The following BTN3A2 variants were observed in gnomAD, a reference collection of about 807,000 sequenced individuals.
The protein encoded by BTN3A2 is butyrophilin protein.
Under a neutral mutation model 37.6 loss-of-function variants are expected in BTN3A2, and 25 were observed. That is an observed-to-expected ratio of 0.66 (90% confidence interval 0.48 to 0.93). BTN3A2 has a LOEUF of 0.93. Among genes scored for constraint, BTN3A2 ranks in the 40% least tolerant of loss-of-function variants. The pLI is 0.00. For missense variants in BTN3A2, 266 were observed against 410.9 expected (o/e 0.65, Z 3.05); for synonymous variants, 122 against 159.4 (o/e 0.77, Z 1.77).
chr6:26,377,059 T>A lies in BTN3A2; in HGVS notation c.*1297T>A. Reference sequence around the variant, plus strand: ...CCTCTGTATCCTGTATTCAGAATTTTGACCTTGGAGCCCACTGCCCTGACC... The same window carrying A: ...CCTCTGTATCCTGTATTCAGAATTTAGACCTTGGAGCCCACTGCCCTGACC... On this transcript the variant is annotated 3_prime_UTR_variant, in exon 11 of 11. Transcript: ENST00000377708. The A allele has an allele frequency of 7.2e-7, 1 of 1,390,576 alleles. No individual in the cohort carries two copies. Among genetic ancestry groups the A allele is most frequent in the Non-Finnish European group, 1.0e-6 (1 of 980,042 alleles). 86.1% of individuals were successfully genotyped at this position (1,390,576 alleles called of 1,614,324 possible).
intron 1 of BTN3A2, among the ~76,000 whole-genome samples, chr6:26,367,453 C>T (rs1323646685): frequency 6.6e-6 from 1 of 152,160 alleles, no homozygotes; most frequent in African/African-American, 2.4e-5. Flanking sequence ...ATGGTTTTGT[C>T]CCATGACTGA....
At chr6:26,372,620 T>C in intron 5 of BTN3A2, 1 of 406,636 alleles carries the variant, frequency 2.5e-6, no homozygotes, top group Non-Finnish European at 4.5e-6. Context: ...TGTTACCTAT[T>C]GAAAAAATAT....
At chr6:26,373,198 T>G in intron 6 of BTN3A2, 78 bp from the exon 7 acceptor site, 1 of 1,602,358 alleles carries the variant, frequency 6.2e-7, no homozygotes, top group Non-Finnish European at 8.5e-7. Flanking sequence ...TGTTTAAGGT[T>G]TATTTCCCGA....
rs1354445051 is a variant in BTN3A2, at chr6:26,377,167, G to A, written c.*1405G>A. On this transcript the variant is annotated 3_prime_UTR_variant, in exon 11 of 11. Coordinates refer to ENST00000377708, the MANE Select transcript of BTN3A2 (RefSeq NM_007047.5). The stretch of plus-strand genomic sequence containing the variant: ...TCCCTGGAGATACCACTGACCCCAG[G>A]CTTAGCTAATGAAAGTGGGGAGCCT... The A allele has an allele frequency of 7.9e-7, 1 of 1,267,816 alleles. No individual in the cohort carries two copies. Among genetic ancestry groups the A allele is most frequent in the Non-Finnish European group, 1.2e-6 (1 of 865,880 alleles). 78.5% of individuals were successfully genotyped at this position (1,267,816 alleles called of 1,614,324 possible). A position where few individuals can be genotyped will look rare whatever the true frequency, so the allele number is the denominator to read the frequency against.
intron 4 of BTN3A2, 53 bp from the exon 5 acceptor site, chr6:26,370,269 C>A: frequency 6.4e-7 from 1 of 1,571,518 alleles, no homozygotes; most frequent in Non-Finnish European, 8.7e-7. Context: ...CCCATTGAGA[C>A]CCTCCCTAAT....
chr6:26,366,710 A>AGACCTCT (rs1762096905), intron 1 of BTN3A2, among the ~76,000 whole-genome samples: 1 of 152,218 alleles, frequency 6.6e-6, no homozygotes, highest in South Asian at 2.1e-4. Flanking sequence ...CCAGCTGCAC[A>AGACCTCT]GACCTCTGTT....
chr6:26,375,796 G>T lies in BTN3A2; in HGVS notation c.*35-1G>T. The T allele has an allele frequency of 6.5e-7, 1 of 1,550,334 alleles. No homozygotes were observed. On this transcript the variant is annotated splice_acceptor_variant, in intron 10 of 10. Coordinates refer to ENST00000377708, the MANE Select transcript of BTN3A2 (RefSeq NM_007047.5). LOFTEE classifies it low-confidence loss of function (3UTR_SPLICE). ...TTCATATGTTTATCCCCATTTTTCA[G>T]GTGAGGAAATGCTTCAGATGAGGCT... is the stretch of plus-strand genomic sequence containing the variant.
intron 5 of BTN3A2, 57 bp downstream of exon 5, chr6:26,370,660 G>T: frequency 6.2e-7 from 1 of 1,604,458 alleles, no homozygotes. Context: ...TTGAATGAAG[G>T]GGGATGTGTT....
At chr6:26,372,356 G>T (rs9379864) in intron 5 of BTN3A2, among the ~76,000 whole-genome samples, 8 of 152,002 alleles carry the variant, frequency 5.3e-5, no homozygotes, top group African/African-American at 1.9e-4. Context: ...CAGGAAATAG[G>T]TATTATCATT....
At chr6:26,373,591 A>T in intron 8 of BTN3A2, 178 bp downstream of exon 8, 31 of 355,824 alleles carry the variant, frequency 8.7e-5, no homozygotes, top group Non-Finnish European at 1.3e-4. Context: ...CTCTCTAGAA[A>T]AAAAAAAAAA....
chr6:26,374,787 T>C lies in BTN3A2; in HGVS notation c.*23T>C, dbSNP rs1228228160. On this transcript the variant is annotated 3_prime_UTR_variant, in exon 10 of 11. Transcript: ENST00000377708. ...TCCTTTCAGAATGGAAAAATGGCCC[T>C]CTTCAAGCCTGGTGAGTAAATCACT... is the stretch of plus-strand genomic sequence containing the variant. The C allele has an allele frequency of 2.0e-6, 3 of 1,529,042 alleles. No individual in the cohort carries two copies. The highest frequency in any genetic ancestry group is 1.8e-6 in the Non-Finnish European group (2 of 1,104,886). The allele number at this position is 1,529,042 out of a possible 1,614,324, so 94.7% of individuals were successfully genotyped here.
chr6:26,377,067 G>T lies in BTN3A2; in HGVS notation c.*1305G>T. The stretch of plus-strand genomic sequence containing the variant: ...TCCTGTATTCAGAATTTTGACCTTG[G>T]AGCCCACTGCCCTGACCGTTTGCCC... On this transcript the variant is annotated 3_prime_UTR_variant, in exon 11 of 11. Transcript: ENST00000377708. 7.3e-7 allele frequency: 1 copy of T among 1,376,786 alleles called. No homozygotes were observed. Among genetic ancestry groups the T allele is most frequent in the Admixed American group, 1.7e-5 (1 of 58,860 alleles). 85.3% of individuals were successfully genotyped at this position (1,376,786 alleles called of 1,614,324 possible). A position where few individuals can be genotyped will look rare whatever the true frequency, so the allele number is the denominator to read the frequency against.
chr6:26,377,746 A>T lies in BTN3A2; in HGVS notation c.*1984A>T, dbSNP rs934039049. The T allele has an allele frequency of 7.1e-5, 12 of 168,074 alleles. No individual in the cohort carries two copies. The highest frequency in any genetic ancestry group is 2.9e-4 in the African/African-American group (12 of 41,656). 10.4% of individuals were successfully genotyped at this position (168,074 alleles called of 1,614,324 possible). A position where few individuals can be genotyped will look rare whatever the true frequency, so the allele number is the denominator to read the frequency against. ...AGCCCTGAGGTTCCCTTCCCAGGAC[A>T]GCTCCAGGATCGAGATCACTGTGAG... On this transcript the variant is annotated 3_prime_UTR_variant, in exon 11 of 11. Coordinates refer to ENST00000377708, the MANE Select transcript of BTN3A2 (RefSeq NM_007047.5).
Position 26,377,241 on chromosome 6 carries a change from G to T in BTN3A2, c.*1479G>T, listed in dbSNP as rs1760767148. 3 of 918,514 alleles carry T rather than the reference G, an allele frequency of 3.3e-6. No homozygotes were observed. Among genetic ancestry groups the T allele is most frequent in the African/African-American group, 1.6e-5 (1 of 61,884 alleles). The allele number at this position is 918,514 out of a possible 1,614,324, so 56.9% of individuals were successfully genotyped here. On this transcript the variant is annotated 3_prime_UTR_variant, in exon 11 of 11. Transcript: ENST00000377708. ...TCTCCCTGCCCAGCCTGGAGCTAAG[G>T]GTCTCACCCTCCACAACAGCCAGTC...
At chr6:26,372,702 A>C in intron 5 of BTN3A2, 195 bp from the exon 6 acceptor site, 1 of 592,768 alleles carries the variant, frequency 1.7e-6, no homozygotes, top group Non-Finnish European at 2.9e-6. Context: ...GATAAGTAAT[A>C]GTAGTAGCTT....
chr6:26,368,464 C>T, intron 3 of BTN3A2, 101 bp from the exon 4 acceptor site: 1 of 1,574,540 alleles, frequency 6.4e-7, no homozygotes, highest in South Asian at 1.1e-5. Flanking sequence ...GTGTTCCCCT[C>T]TAGGTTCTCT....
At chr6:26,370,020 A>G (rs1759941002) in intron 4 of BTN3A2, among the ~76,000 whole-genome samples, 1 of 152,160 alleles carries the variant, frequency 6.6e-6, no homozygotes, top group African/African-American at 2.4e-5. Flanking sequence ...TGCCTTGCTG[A>G]AGGTAACAGC....
intron 1 of BTN3A2, among the ~76,000 whole-genome samples, chr6:26,367,561 A>G (rs1230811142): frequency 6.6e-6 from 1 of 152,230 alleles, no homozygotes; most frequent in Non-Finnish European, 1.5e-5. Flanking sequence ...GTGGGTGCTC[A>G]GTAAATATTT....
rs1581572542 is a variant in BTN3A2, at chr6:26,375,903, A to G, written c.*141A>G. 2.0e-6 allele frequency: 3 copies of G among 1,521,558 alleles called. No homozygotes were observed. Among genetic ancestry groups the G allele is most frequent in the African/African-American group, 2.8e-5 (2 of 72,326 alleles). 94.3% of individuals were successfully genotyped at this position (1,521,558 alleles called of 1,614,324 possible). A position where few individuals can be genotyped will look rare whatever the true frequency, so the allele number is the denominator to read the frequency against. ...CATTTAGCTCACGAGTGGTCGAGTG[A>G]AGATTGAAAATTAACCTCTGAGGGC... On this transcript the variant is annotated 3_prime_UTR_variant, in exon 11 of 11. Transcript: ENST00000377708.
Sources: gnomAD v4.1 joint callset for allele counts (sites outside exome capture counted in the v4.1 genomes callset) on GRCh38, gnomAD v4.1.1 for gene constraint, MANE v1.5 for transcripts, NCBI Gene and HGNC (gene_info 2026-07-23, HGNC 2026-07-21) for gene names.